The following OSBPL10 variants were observed in gnomAD, a reference collection of about 807,000 sequenced individuals.
The protein encoded by OSBPL10 is oxysterol binding protein like 10, also known as oxysterol-binding protein-related protein 10.
In OSBPL10, 49 loss-of-function variants were observed where a neutral mutation model predicts 81.7. The observed-to-expected ratio is 0.60, with a 90% CI of 0.48 to 0.76. The LOEUF (loss-of-function observed/expected upper bound fraction) is 0.76, where lower values mean the gene tolerates loss of function less well. Ranked by LOEUF, OSBPL10 falls within the 30% of genes least tolerant of loss-of-function variation. OSBPL10 has a pLI of 0.00. For missense variants in OSBPL10, 923 were observed against 987.8 expected, an observed-to-expected ratio of 0.93 and a Z score of 0.88; for synonymous variants, 419 against 383.6, an observed-to-expected ratio of 1.09 and a Z score of -1.08.
At chr3:31,897,518 C>T (rs776200647) in intron 1 of OSBPL10, among the ~76,000 whole-genome samples, 12 of 152,062 alleles carry the variant, frequency 7.9e-5, no homozygotes, top group Non-Finnish European at 1.6e-4. Flanking sequence ...AAGAAAGATA[C>T]GACATTTCAG....
At chr3:31,990,173 C>T in intron 2 of OSBPL10, 1 of 1,614,020 alleles carries the variant, frequency 6.2e-7, no homozygotes, top group East Asian at 2.2e-5. Flanking sequence ...AGAATTCACA[C>T]TGGAGAGAAA....
intron 2 of OSBPL10, among the ~76,000 whole-genome samples, chr3:32,025,320 C>T (rs1699393847): frequency 6.6e-6 from 1 of 152,162 alleles, no homozygotes; most frequent in Non-Finnish European, 1.5e-5. Context: ...TTCAACCTTG[C>T]ATTTCTGGGA....
At chr3:31,836,645 A>G (rs1700363213) in intron 3 of OSBPL10, among the ~76,000 whole-genome samples, 1 of 151,756 alleles carries the variant, frequency 6.6e-6, no homozygotes, top group Non-Finnish European at 1.5e-5. Flanking sequence ...GAAGGTCCCA[A>G]GTCAACTGAA....
At chr3:31,783,823 AATATATATATATAT>A (rs60886858) in intron 4 of OSBPL10, among the ~76,000 whole-genome samples, 15 of 16,742 alleles carry the variant, frequency 9.0e-4, no homozygotes, top group East Asian at 5.1e-3. Context: ...AAAAAAAAAA[AATATATATATATAT>A]ATATATATAT....
Position 31,865,115 on chromosome 3 carries a change from A to C in OSBPL10, c.537+11318T>G, listed in dbSNP as rs1212273763. On this transcript the variant is annotated intron_variant, in intron 3 of 11. Coordinates refer to ENST00000396556, the MANE Select transcript of OSBPL10 (RefSeq NM_017784.5). Reference sequence around the variant, plus strand: ...CAGAAGGGGTGAGGGAGCCCCATTAAACCTCTGTAGATTAAAAGAACTGTT... The same window carrying C: ...CAGAAGGGGTGAGGGAGCCCCATTACACCTCTGTAGATTAAAAGAACTGTT... Among the ~76,000 whole-genome samples, 6 of 152,194 alleles carry C rather than the reference A, an allele frequency of 3.9e-5. No individual in the cohort carries two copies. The East Asian group carries it at 9.6e-4, about 24-fold the overall frequency.
chr3:31,740,827 T>C (rs1365241357), intron 5 of OSBPL10, among the ~76,000 whole-genome samples: 1 of 129,896 alleles, frequency 7.7e-6, no homozygotes, highest in African/African-American at 4.1e-5. Context: ...AGAATGGTTA[T>C]GATAAACTTA....
Position 31,875,082 on chromosome 3 carries a change from T to TAAAAA in OSBPL10, c.537+1346_537+1350dup, listed in dbSNP as rs555527834. Among the ~76,000 whole-genome samples, 278 of 103,012 alleles carry TAAAAA rather than the reference T, an allele frequency of 2.7e-3. 3 individuals are homozygous for TAAAAA. Among genetic ancestry groups the TAAAAA allele is most frequent in the African/African-American group, 8.9e-3 (242 of 27,248 alleles). The allele number at this position is 103,012 out of a possible 152,430, so 67.6% of individuals were successfully genotyped here. On this transcript the variant is annotated intron_variant, in intron 3 of 11. Coordinates refer to ENST00000396556, the MANE Select transcript of OSBPL10 (RefSeq NM_017784.5). ...AAAAAGATCTCCAAAATATATTAAG[T>TAAAAA]AAAAAAAAAAAAAAAAAAAGGAGAA...
At chr3:31,681,706 T>C (rs1411885714) in intron 8 of OSBPL10, among the ~76,000 whole-genome samples, 1 of 152,168 alleles carries the variant, frequency 6.6e-6, no homozygotes, top group African/African-American at 2.4e-5. Flanking sequence ...TGGCCACCCC[T>C]CATCAGTCTC....
chr3:32,005,676 C>T (rs1699199239), intron 2 of OSBPL10, among the ~76,000 whole-genome samples: 1 of 152,176 alleles, frequency 6.6e-6, no homozygotes, highest in African/African-American at 2.4e-5. Flanking sequence ...CAACCTCTGC[C>T]TCCCAGGTTC....
At position 32,001,096 on chromosome 3, in the gene OSBPL10, C is replaced by T. The variant is rs188885819; in HGVS notation, n.298+45395G>A. ...AGAGATGAGTGAAGGCATCTAGGGG[C>T]GCTGTTGTCTGTCCACTCTTCCTGA... On this transcript the variant is annotated intron_variant and non_coding_transcript_variant, in intron 2 of 3. Transcript: ENST00000479173. Among the ~76,000 whole-genome samples the T allele has an allele frequency of 1.3e-3, 198 of 152,256 alleles. 2 individuals are homozygous for T. Among genetic ancestry groups the T allele is most frequent in the African/African-American group, 4.5e-3 (188 of 41,532 alleles).
chr3:31,962,352 CAACAAT>C (rs1226690391), intron 1 of OSBPL10, among the ~76,000 whole-genome samples: 1 of 152,096 alleles, frequency 6.6e-6, no homozygotes, highest in African/African-American at 2.4e-5. Flanking sequence ...AAGCAAATAA[CAACAAT>C]AAAGTTATTT....
chr3:32,068,135 A>G (rs1699793852), intron 1 of OSBPL10, among the ~76,000 whole-genome samples: 1 of 152,080 alleles, frequency 6.6e-6, no homozygotes. Flanking sequence ...CTTTCCTTCC[A>G]ATTCCAGTTG....
At chr3:32,049,564 T>A (rs1041753147) in intron 1 of OSBPL10, among the ~76,000 whole-genome samples, 1 of 152,098 alleles carries the variant, frequency 6.6e-6, no homozygotes, top group Non-Finnish European at 1.5e-5. Context: ...ATTAGGAAGA[T>A]TAGAATCCTT....
intron 1 of OSBPL10, among the ~76,000 whole-genome samples, chr3:31,916,919 C>T (rs922156785): frequency 1.1e-4 from 16 of 152,144 alleles, no homozygotes; most frequent in South Asian, 2.1e-4. Flanking sequence ...TATTGTAAGC[C>T]GGGACTCCTA....
intron 4 of OSBPL10, among the ~76,000 whole-genome samples, chr3:31,797,087 C>G (rs191405379): frequency 6.7e-6 from 1 of 149,910 alleles, no homozygotes; most frequent in Non-Finnish European, 1.5e-5. Flanking sequence ...CTCTTTCTCC[C>G]GGGTTCAAGT....
In OSBPL10 at chr3:31,863,804, T is replaced by A. The variant is rs192299509; in HGVS notation, c.537+12629A>T. Among the ~76,000 whole-genome samples the A allele has an allele frequency of 5.7e-3, 871 of 152,308 alleles. 10 individuals are homozygous for A. Among genetic ancestry groups the A allele is most frequent in the African/African-American group, 0.019 (800 of 41,564 alleles). Reference sequence around the variant, plus strand: ...TAGTTCTCTCTCTATAAAAAAAAATTGTTATACTTGATCAAATACAAAACA... The same window carrying A: ...TAGTTCTCTCTCTATAAAAAAAAATAGTTATACTTGATCAAATACAAAACA... On this transcript the variant is annotated intron_variant, in intron 3 of 11. Coordinates refer to ENST00000396556, the MANE Select transcript of OSBPL10 (RefSeq NM_017784.5).
At chr3:31,733,741 C>T (rs376189178) in intron 5 of OSBPL10, among the ~76,000 whole-genome samples, 74 of 120,706 alleles carry the variant, frequency 6.1e-4, no homozygotes, top group African/African-American at 2.2e-3. Flanking sequence ...TGGCCAGGTG[C>T]GGTGGCTCAC....
At chr3:31,731,279 A>C (rs570813251) in intron 6 of OSBPL10, among the ~76,000 whole-genome samples, 2 of 152,020 alleles carry the variant, frequency 1.3e-5, no homozygotes, top group Non-Finnish European at 2.9e-5. Flanking sequence ...AAAACCACCA[A>C]AACACCAAAA....
intron 4 of OSBPL10, among the ~76,000 whole-genome samples, chr3:31,762,697 G>C (rs1273998668): frequency 7.1e-6 from 1 of 140,414 alleles, no homozygotes; most frequent in Non-Finnish European, 1.5e-5. Context: ...TCAAGCTCCT[G>C]AGCTCGAGGG....
Sources: allele counts gnomAD v4.1 joint callset (sites outside exome capture counted in the v4.1 genomes callset), GRCh38; gene constraint gnomAD v4.1.1; transcripts MANE v1.5; gene names NCBI Gene and HGNC (gene_info 2026-07-23, HGNC 2026-07-21).